The following KCNQ1OT1 variants were observed in gnomAD, a reference collection of about 807,000 sequenced individuals.
KCNQ1OT1 encodes KCNQ1 opposite strand/antisense transcript 1.
chr11:2,628,553 G>T (rs1181477280), exon 1 of KCNQ1OT1: 6 of 398,278 alleles, frequency 1.5e-5, no homozygotes, highest in Admixed American at 8.8e-5. Context: ...TAGCTTATCA[G>T]ATATATGGTT....
chr11:2,630,780 A>G (rs562580541), exon 1 of KCNQ1OT1: 44 of 397,814 alleles, frequency 1.1e-4, no homozygotes, highest in Non-Finnish European at 1.5e-4. Flanking sequence ...TTGCTGATAA[A>G]CTCCTTCAAC....
chr11:2,673,315 C>T lies in KCNQ1OT1; in HGVS notation n.26680G>A, dbSNP rs571942516. ...ATCTTGAGAGAAACAATCCCACAGG[C>T]TACCAGGCCAGCTTTTGGAAACAGT... On this transcript the variant is annotated non_coding_transcript_exon_variant, in exon 1 of 1. Transcript: ENST00000597346. This position sits in a 1 kb window ranked among gnomAD's most constrained non-coding sequence, Gnocchi z 4.5. 16 of 398,780 alleles carry T rather than the reference C, an allele frequency of 4.0e-5. No homozygotes were observed. The South Asian group carries it at 1.9e-3, about 48-fold the overall frequency. The allele number at this position is 398,780 out of a possible 1,614,324, so 24.7% of individuals were successfully genotyped here.
exon 1 of KCNQ1OT1, chr11:2,629,186 A>G: frequency 2.5e-6 from 1 of 398,314 alleles, no homozygotes; most frequent in Middle Eastern, 6.3e-4. Context: ...TTTGAGTAGT[A>G]TAGCTATTTC....
At position 2,661,137 on chromosome 11, in the gene KCNQ1OT1, G is replaced by A. The variant is rs1849949293; in HGVS notation, n.38858C>T. 1 of 398,458 alleles carries A rather than the reference G, an allele frequency of 2.5e-6. No individual in the cohort carries two copies. The highest frequency in any genetic ancestry group is 4.4e-6 in the Non-Finnish European group (1 of 226,072). 24.7% of individuals were successfully genotyped at this position (398,458 alleles called of 1,614,324 possible). A position where few individuals can be genotyped will look rare whatever the true frequency, so the allele number is the denominator to read the frequency against. ...TGCTGCTCGGATGAGCAGAGAGGGTGGGCTAGGGATCTAGTTGGCAGTTAA... is the reference window on the plus strand; with the variant it reads ...TGCTGCTCGGATGAGCAGAGAGGGTAGGCTAGGGATCTAGTTGGCAGTTAA... On this transcript the variant is annotated non_coding_transcript_exon_variant, in exon 1 of 1. Coordinates refer to ENST00000597346, the Ensembl canonical transcript of KCNQ1OT1. The surrounding 1 kb of genome is among the most constrained non-coding windows in gnomAD (Gnocchi z 5.9).
At chr11:2,610,543 T>C (rs1362008852) in exon 1 of KCNQ1OT1, 1 of 398,296 alleles carries the variant, frequency 2.5e-6, no homozygotes, top group African/African-American at 2.1e-5. Flanking sequence ...CTCTTTGCTT[T>C]TGGATATATG....
In KCNQ1OT1 at chr11:2,644,951, C is replaced by T. The variant is rs528178905; in HGVS notation, n.55044G>A. ...CCCCAGTGGCAGCAGTGGCTGGCCCCGAATGCTTATCCTTGGGCCCAATGG... is the reference window on the plus strand; with the variant it reads ...CCCCAGTGGCAGCAGTGGCTGGCCCTGAATGCTTATCCTTGGGCCCAATGG... On this transcript the variant is annotated non_coding_transcript_exon_variant, in exon 1 of 1. Coordinates refer to ENST00000597346, the Ensembl canonical transcript of KCNQ1OT1. 17 of 398,574 alleles carry T rather than the reference C, an allele frequency of 4.3e-5. No individual in the cohort carries two copies. In the South Asian group the frequency reaches 8.9e-4, roughly 21 times the overall value. The allele number at this position is 398,574 out of a possible 1,614,324, so 24.7% of individuals were successfully genotyped here.
Position 2,679,408 on chromosome 11 carries a change from T to TGTAAAATGTAAA in KCNQ1OT1, n.20586_20587insTTTACATTTTAC. 1 of 398,648 alleles carries TGTAAAATGTAAA rather than the reference T, an allele frequency of 2.5e-6. No homozygotes were observed. Among genetic ancestry groups the TGTAAAATGTAAA allele is most frequent in the South Asian group, 1.3e-4 (1 of 7,860 alleles). The allele number at this position is 398,648 out of a possible 1,614,324, so 24.7% of individuals were successfully genotyped here. A position where few individuals can be genotyped will look rare whatever the true frequency, so the allele number is the denominator to read the frequency against. The stretch of plus-strand genomic sequence containing the variant: ...TTCTTTATTTGTAAAATGGGAATCA[T>TGTAAAATGTAAA]AAGAGTACCTTCCTCAGAGGGTTGT... On this transcript the variant is annotated non_coding_transcript_exon_variant, in exon 1 of 1. Transcript: ENST00000597346. The surrounding 1 kb of genome is among the most constrained non-coding windows in gnomAD (Gnocchi z 4.8).
At chr11:2,616,834 T>G in exon 1 of KCNQ1OT1, 1 of 398,336 alleles carries the variant, frequency 2.5e-6, no homozygotes, top group Non-Finnish European at 4.4e-6. Context: ...ATGTTCCATG[T>G]GCACTTGAGA....
exon 1 of KCNQ1OT1, chr11:2,640,519 C>T: frequency 2.5e-6 from 1 of 397,826 alleles, no homozygotes. Context: ...TTCCTGGGCT[C>T]AAGCGATCCT....
At position 2,620,134 on chromosome 11, in the gene KCNQ1OT1, A is replaced by T. The variant is rs1263685928; in HGVS notation, n.79861T>A. ...GTATTTGGTTTTCTGTTCCTGCATT[A>T]ATTTGCTTAAGATAGTGGCCTCTAG... is the stretch of plus-strand genomic sequence containing the variant. On this transcript the variant is annotated non_coding_transcript_exon_variant, in exon 1 of 1. Transcript: ENST00000597346. The surrounding 1 kb of genome is among the most constrained non-coding windows in gnomAD (Gnocchi z 4.5). 1 of 397,538 alleles carries T rather than the reference A, an allele frequency of 2.5e-6. No homozygotes were observed. Among genetic ancestry groups the T allele is most frequent in the East Asian group, 3.6e-5 (1 of 28,046 alleles). 24.6% of individuals were successfully genotyped at this position (397,538 alleles called of 1,614,324 possible). A position where few individuals can be genotyped will look rare whatever the true frequency, so the allele number is the denominator to read the frequency against.
chr11:2,675,893 T>C (rs1850285280), exon 1 of KCNQ1OT1: 1 of 398,672 alleles, frequency 2.5e-6, no homozygotes, highest in Non-Finnish European at 4.4e-6. Context: ...CTTTATGTAT[T>C]CAAGGGTTGT....
At position 2,652,175 on chromosome 11, in the gene KCNQ1OT1, C is replaced by A; in HGVS notation, n.47820G>T. ...CGCCCTCGGGGCCTGGGGGTGGGGC[C>A]CCAGCAGATGTCTGGATTTGGTAGC... On this transcript the variant is annotated non_coding_transcript_exon_variant, in exon 1 of 1. Coordinates refer to ENST00000597346, the Ensembl canonical transcript of KCNQ1OT1. This position sits in a 1 kb window ranked among gnomAD's most constrained non-coding sequence, Gnocchi z 5.9. 2 of 398,564 alleles carry A rather than the reference C, an allele frequency of 5.0e-6. No individual in the cohort carries two copies. Among genetic ancestry groups the A allele is most frequent in the Non-Finnish European group, 8.8e-6 (2 of 226,106 alleles). The allele number at this position is 398,564 out of a possible 1,614,324, so 24.7% of individuals were successfully genotyped here. A position where few individuals can be genotyped will look rare whatever the true frequency, so the allele number is the denominator to read the frequency against.
At position 2,661,538 on chromosome 11, in the gene KCNQ1OT1, ACTACTC is replaced by A; in HGVS notation, n.38451_38456del. On this transcript the variant is annotated non_coding_transcript_exon_variant, in exon 1 of 1. Coordinates refer to ENST00000597346, the Ensembl canonical transcript of KCNQ1OT1. This position sits in a 1 kb window ranked among gnomAD's most constrained non-coding sequence, Gnocchi z 5.9. ...CCTATCACCCCATCTTTCCTGACCCACTACTCTGTCAATGTATGAGTGTGACAATGT... is the reference window on the plus strand; with the variant it reads ...CCTATCACCCCATCTTTCCTGACCCATGTCAATGTATGAGTGTGACAATGT... The A allele has an allele frequency of 2.0e-6, 1 of 500,604 alleles. No homozygotes were observed. The highest frequency in any genetic ancestry group is 3.5e-6 in the Non-Finnish European group (1 of 284,546). 31.0% of individuals were successfully genotyped at this position (500,604 alleles called of 1,614,324 possible). A position where few individuals can be genotyped will look rare whatever the true frequency, so the allele number is the denominator to read the frequency against.
Position 2,651,249 on chromosome 11 carries a change from A to T in KCNQ1OT1, n.48746T>A, listed in dbSNP as rs1164620241. ...ACAGCACACACAGCTTAATTCAGGA[A>T]TTAAGCTGTGCTGGTCACTTATTGA... On this transcript the variant is annotated non_coding_transcript_exon_variant, in exon 1 of 1. Coordinates refer to ENST00000597346, the Ensembl canonical transcript of KCNQ1OT1. The surrounding 1 kb of genome is among the most constrained non-coding windows in gnomAD (Gnocchi z 6.1). The T allele has an allele frequency of 5.0e-6, 2 of 398,554 alleles. No individual in the cohort carries two copies. The highest frequency in any genetic ancestry group is 8.8e-6 in the Non-Finnish European group (2 of 226,090). The allele number at this position is 398,554 out of a possible 1,614,324, so 24.7% of individuals were successfully genotyped here. A position where few individuals can be genotyped will look rare whatever the true frequency, so the allele number is the denominator to read the frequency against.
chr11:2,670,089 G>A lies in KCNQ1OT1; in HGVS notation n.29906C>T. 1 of 398,690 alleles carries A rather than the reference G, an allele frequency of 2.5e-6. No homozygotes were observed. Among genetic ancestry groups the A allele is most frequent in the Non-Finnish European group, 4.4e-6 (1 of 226,152 alleles). The allele number at this position is 398,690 out of a possible 1,614,324, so 24.7% of individuals were successfully genotyped here. A position where few individuals can be genotyped will look rare whatever the true frequency, so the allele number is the denominator to read the frequency against. On this transcript the variant is annotated non_coding_transcript_exon_variant, in exon 1 of 1. Transcript: ENST00000597346. The surrounding 1 kb of genome is among the most constrained non-coding windows in gnomAD (Gnocchi z 4.9). ...GGAGGGGGTTGGAGGCAGAATCAGT[G>A]GACTGTGTCTCATGGCAGTCACAGG...
Position 2,674,450 on chromosome 11 carries a change from G to C in KCNQ1OT1, n.25545C>G, listed in dbSNP as rs1305408055. ...GACCACAGAGGCTGGGGGGAGGCAC[G>C]TGGGGAGGAGGGCTGCCTGTCGAGA... On this transcript the variant is annotated non_coding_transcript_exon_variant, in exon 1 of 1. Transcript: ENST00000597346. The surrounding 1 kb of genome is among the most constrained non-coding windows in gnomAD (Gnocchi z 5.9). 1.0e-5 allele frequency: 4 copies of C among 398,574 alleles called. No individual in the cohort carries two copies. The highest frequency in any genetic ancestry group is 1.3e-5 in the Non-Finnish European group (3 of 226,124). 24.7% of individuals were successfully genotyped at this position (398,574 alleles called of 1,614,324 possible).
At position 2,624,500 on chromosome 11, in the gene KCNQ1OT1, A is replaced by T. The variant is rs190856821; in HGVS notation, n.75495T>A. 1.7e-4 allele frequency: 69 copies of T among 398,490 alleles called. 1 individual carries two copies. Among genetic ancestry groups the T allele is most frequent in the East Asian group, 1.2e-3 (34 of 28,050 alleles). 24.7% of individuals were successfully genotyped at this position (398,490 alleles called of 1,614,324 possible). ...CTAAAAAGCCATCACCAAACTAAAG[A>T]TCATCTAGATTTCTTCCTATGTTAT... On this transcript the variant is annotated non_coding_transcript_exon_variant, in exon 1 of 1. Transcript: ENST00000597346. The surrounding 1 kb of genome is among the most constrained non-coding windows in gnomAD (Gnocchi z 4.9).
At position 2,620,299 on chromosome 11, in the gene KCNQ1OT1, C is replaced by T. The variant is rs950804158; in HGVS notation, n.79696G>A. 3.3e-5 allele frequency: 7 copies of T among 209,168 alleles called. No individual in the cohort carries two copies. Among genetic ancestry groups the T allele is most frequent in the African/African-American group, 1.6e-4 (7 of 43,106 alleles). 13.0% of individuals were successfully genotyped at this position (209,168 alleles called of 1,614,324 possible). On this transcript the variant is annotated non_coding_transcript_exon_variant, in exon 1 of 1. Coordinates refer to ENST00000597346, the Ensembl canonical transcript of KCNQ1OT1. The surrounding 1 kb of genome is among the most constrained non-coding windows in gnomAD (Gnocchi z 4.5). ...TGGCATGATCTCGGCTCACTGCAGC[C>T]TCCGCCTACCGGGTTCAAGTGATTC...
At position 2,683,640 on chromosome 11, in the gene KCNQ1OT1, G is replaced by C; in HGVS notation, n.16355C>G. On this transcript the variant is annotated non_coding_transcript_exon_variant, in exon 1 of 1. Coordinates refer to ENST00000597346, the Ensembl canonical transcript of KCNQ1OT1. The surrounding 1 kb of genome is among the most constrained non-coding windows in gnomAD (Gnocchi z 4.7). ...TAGACAACTGGGCCCTGCATCTGCT[G>C]CAAGGAACATCCCTTACTTTCCCAT... 1 of 398,660 alleles carries C rather than the reference G, an allele frequency of 2.5e-6. No homozygotes were observed. The highest frequency in any genetic ancestry group is 4.4e-6 in the Non-Finnish European group (1 of 226,078). The allele number at this position is 398,660 out of a possible 1,614,324, so 24.7% of individuals were successfully genotyped here.
Sources: gnomAD v4.1 joint callset for allele counts on GRCh38, gnomAD v4.1.1 for gene constraint, Gnocchi (gnomAD v3.1) non-coding constraint, MANE v1.5 for transcripts, NCBI Gene and HGNC (gene_info 2026-07-23, HGNC 2026-07-21) for gene names.